Variants in HEMK1 observed in about 807,000 individuals in gnomAD.
HEMK1 encodes MTRF1L release factor glutamine methyltransferase.
HEMK1 carries 36 observed loss-of-function variants against 47.9 expected under a neutral mutation model. The observed-to-expected ratio is 0.75, with a 90% CI of 0.58 to 0.99. The LOEUF (loss-of-function observed/expected upper bound fraction) is 0.99, where lower values mean the gene tolerates loss of function less well. HEMK1 is among the 50% of genes least tolerant of loss of function. The pLI is 0.00. For synonymous variants in HEMK1, 153 were observed against 165.4 expected (o/e 0.93, Z 0.57); for missense variants, 383 against 434.5 (o/e 0.88, Z 1.05).
rs147987623 is a variant in HEMK1 at position 50,595,784 on chromosome 3, T to C, written c.*15367T>C. The C allele has an allele frequency of 1.2e-4, 19 of 152,248 alleles. No homozygotes were observed. In the East Asian group the frequency reaches 3.5e-3, roughly 28 times the overall value. The allele number at this position is 152,248 out of a possible 1,614,324, so 9.4% of individuals were successfully genotyped here. On this transcript the variant is annotated 3_prime_UTR_variant, in exon 11 of 11. Transcript: ENST00000232854. ...GGTTTCTGCAGGAAAAAACCCAAGA[T>C]AGAGAGACAACACTATATAGGCATC...
intron 8 of HEMK1, 26 bp downstream of exon 8, chr3:50,578,952 G>C: frequency 6.4e-7 from 1 of 1,570,378 alleles, no homozygotes; most frequent in South Asian, 1.1e-5. Flanking sequence ...GGCCAGGGAG[G>C]CCAGGCCTGA....
chr3:50,580,683 C>T lies in HEMK1; in HGVS notation c.*266C>T. ...GTATTGAGAGACTAACAAATGGTGA[C>T]CTAATGTTTTGTCCATGACTTGCAG... On this transcript the variant is annotated 3_prime_UTR_variant, in exon 11 of 11. Transcript: ENST00000232854. 1 of 546,276 alleles carries T rather than the reference C, an allele frequency of 1.8e-6. No homozygotes were observed. The highest frequency in any genetic ancestry group is 2.3e-5 in the South Asian group (1 of 44,228). The allele number at this position is 546,276 out of a possible 1,614,324, so 33.8% of individuals were successfully genotyped here. A position where few individuals can be genotyped will look rare whatever the true frequency, so the allele number is the denominator to read the frequency against.
In HEMK1 at chr3:50,580,186, C is replaced by A; in HGVS notation, c.937C>A (p.Leu313Met). 8.7e-6 allele frequency: 14 copies of A among 1,614,192 alleles called. No homozygotes were observed. The highest frequency in any genetic ancestry group is 1.2e-5 in the Non-Finnish European group (14 of 1,180,026). ...CAGCTGGCTTCAGAGCCGGCCTGACCTGTACCTTAATCTTGTGGCTGTGCG... is the reference window on the plus strand; with the variant it reads ...CAGCTGGCTTCAGAGCCGGCCTGACATGTACCTTAATCTTGTGGCTGTGCG... ...VSSWLQSRPDLYLNLVAVRRD... is the reference protein window; with the variant it reads ...VSSWLQSRPDMYLNLVAVRRD... The change falls in exon 10 of 11, where the codon CTG becomes ATG. Residue 313 changes from leucine to methionine, a missense_variant. Physicochemically the swap from Leu to Met is conservative, Grantham distance 15. Transcript: ENST00000232854.
At position 50,578,716 on chromosome 3, in the gene HEMK1, G is replaced by A; in HGVS notation, c.665-105G>A. On this transcript the variant is annotated intron_variant, in intron 7 of 10. Transcript: ENST00000232854. ...TCTGGCTTATCAGATCCAGAGGCAG[G>A]CCCAAGGTGTGGCATGGTGAGAGGG... 8.1e-6 allele frequency: 6 copies of A among 738,586 alleles called. No homozygotes were observed. The South Asian group carries it at 8.9e-5, about 11-fold the overall frequency. The allele number at this position is 738,586 out of a possible 1,614,324, so 45.8% of individuals were successfully genotyped here. A position where few individuals can be genotyped will look rare whatever the true frequency, so the allele number is the denominator to read the frequency against.
intron 4 of HEMK1, among the ~76,000 whole-genome samples, chr3:50,575,888 G>A (rs1701539293): frequency 6.6e-6 from 1 of 152,210 alleles, no homozygotes; most frequent in South Asian, 2.1e-4. Flanking sequence ...TGGACGGCAG[G>A]AGCCTTCCAC....
At chr3:50,574,976 C>G (rs1297917950) in intron 4 of HEMK1, among the ~76,000 whole-genome samples, 3 of 152,144 alleles carry the variant, frequency 2.0e-5, no homozygotes, top group Admixed American at 6.5e-5. Flanking sequence ...CTTTTTGGAA[C>G]CCAGCACTGG....
At position 50,589,423 on chromosome 3, in the gene HEMK1, T is replaced by TG. The variant is rs944496879; in HGVS notation, c.*9006_*9007insG. The stretch of plus-strand genomic sequence containing the variant: ...TCTGTGTGTGGTTTTTAAAATTGGG[T>TG]TTTTTTTTTTTCAATAATTAAAAAT... On this transcript the variant is annotated 3_prime_UTR_variant, in exon 11 of 11. Transcript: ENST00000232854. 5 of 10,222 alleles carry TG rather than the reference T, an allele frequency of 4.9e-4. No homozygotes were observed. Among genetic ancestry groups the TG allele is most frequent in the African/African-American group, 8.9e-4 (5 of 5,594 alleles). 0.6% of individuals were successfully genotyped at this position (10,222 alleles called of 1,614,324 possible). A position where few individuals can be genotyped will look rare whatever the true frequency, so the allele number is the denominator to read the frequency against.
Position 50,582,697 on chromosome 3 carries a change from A to G in HEMK1, c.*2280A>G, listed in dbSNP as rs2030967108. On this transcript the variant is annotated 3_prime_UTR_variant, in exon 11 of 11. Transcript: ENST00000232854. ...TCCATCTGATGCATGGGACCAACATAAGGCAGGCAGGGATACAAGGCAGTC... is the reference window on the plus strand; with the variant it reads ...TCCATCTGATGCATGGGACCAACATGAGGCAGGCAGGGATACAAGGCAGTC... 2 of 152,306 alleles carry G rather than the reference A, an allele frequency of 1.3e-5. No individual in the cohort carries two copies. The highest frequency in any genetic ancestry group is 2.9e-5 in the Non-Finnish European group (2 of 68,076). The allele number at this position is 152,306 out of a possible 1,614,324, so 9.4% of individuals were successfully genotyped here.
chr3:50,577,895 C>T lies in HEMK1; in HGVS notation c.664+20C>T. 1 of 1,611,984 alleles carries T rather than the reference C, an allele frequency of 6.2e-7. No homozygotes were observed. The highest frequency in any genetic ancestry group is 8.5e-7 in the Non-Finnish European group (1 of 1,178,096). On this transcript the variant is annotated intron_variant, in intron 7 of 10. Coordinates refer to ENST00000232854, the MANE Select transcript of HEMK1 (RefSeq NM_016173.5). The stretch of plus-strand genomic sequence containing the variant: ...CCTCAGGTACCCTCCCCTGCATGTT[C>T]CTTGAGAGAGGGAGACTAGATGCAG...
chr3:50,573,401 C>T (rs553403952), intron 4 of HEMK1, among the ~76,000 whole-genome samples: 1 of 152,312 alleles, frequency 6.6e-6, no homozygotes, highest in East Asian at 1.9e-4. Context: ...TGATCTCTGG[C>T]GAAGAGATCA....
intron 8 of HEMK1, 56 bp from the exon 9 acceptor site, chr3:50,579,788 A>AT (rs1156926388): frequency 1.5e-6 from 2 of 1,309,308 alleles, no homozygotes; most frequent in Non-Finnish European, 1.1e-6. Flanking sequence ...CATGCCCTCC[A>AT]TGCATTTCAG....
In HEMK1 at chr3:50,577,822, G is replaced by A. The variant is rs762190550; in HGVS notation, c.615-4G>A. On this transcript the variant is annotated splice_region_variant and splice_polypyrimidine_tract_variant and intron_variant, in intron 6 of 10. Transcript: ENST00000232854. ...TGCCTACCCCTTTCTCCCTGTCTGT[G>A]TAGGCTTCGGTTGCAGGACAGGATT... The A allele has an allele frequency of 1.2e-5, 20 of 1,613,980 alleles. No homozygotes were observed. The highest frequency in any genetic ancestry group is 1.7e-5 in the Admixed American group (1 of 60,010).
intron 7 of HEMK1, 97 bp from the exon 8 acceptor site, chr3:50,578,724 T>G (rs1264617320): frequency 2.6e-6 from 2 of 774,156 alleles, no homozygotes; most frequent in African/African-American, 1.7e-5. Flanking sequence ...AGGCCCAAGG[T>G]GTGGCATGGT....
rs551888020 is a variant in HEMK1, at chr3:50,589,746, A to C, written c.*9329A>C. 4 of 150,718 alleles carry C rather than the reference A, an allele frequency of 2.7e-5. No homozygotes were observed. Among genetic ancestry groups the C allele is most frequent in the African/African-American group, 9.8e-5 (4 of 40,920 alleles). 9.3% of individuals were successfully genotyped at this position (150,718 alleles called of 1,614,324 possible). A position where few individuals can be genotyped will look rare whatever the true frequency, so the allele number is the denominator to read the frequency against. On this transcript the variant is annotated 3_prime_UTR_variant, in exon 11 of 11. Coordinates refer to ENST00000232854, the MANE Select transcript of HEMK1 (RefSeq NM_016173.5). ...AATCCGTCTGTACTAAAAATACAAA[A>C]ATTAGCCGGGTGTGGTGGCTCACGC... is the stretch of plus-strand genomic sequence containing the variant.
At chr3:50,570,476 A>G (rs939470877) in intron 1 of HEMK1, 4 of 152,234 alleles carry the variant, frequency 2.6e-5, no homozygotes, top group South Asian at 2.1e-4. Flanking sequence ...TGCCTCTTGT[A>G]ACATCAGTTA....
rs2031679601 is a variant in HEMK1 at position 50,590,736 on chromosome 3, G to A, written c.*10319G>A. 1 of 152,102 alleles carries A rather than the reference G, an allele frequency of 6.6e-6. No individual in the cohort carries two copies. Among genetic ancestry groups the A allele is most frequent in the Non-Finnish European group, 1.5e-5 (1 of 68,050 alleles). 9.4% of individuals were successfully genotyped at this position (152,102 alleles called of 1,614,324 possible). ...GCATCTGTCACAGCAAATCAATCTGGGCCACATGCTCCTGAAAGGTCCTTG... is the reference window on the plus strand; with the variant it reads ...GCATCTGTCACAGCAAATCAATCTGAGCCACATGCTCCTGAAAGGTCCTTG... On this transcript the variant is annotated 3_prime_UTR_variant, in exon 11 of 11. Transcript: ENST00000232854.
At position 50,575,378 on chromosome 3, in the gene HEMK1, G is replaced by C. The variant is rs557521128; in HGVS notation, c.415-1674G>C. Among the ~76,000 whole-genome samples the C allele has an allele frequency of 9.2e-5, 14 of 151,912 alleles. No homozygotes were observed. The East Asian group carries it at 2.1e-3, about 23-fold the overall frequency. ...GCGGAGGTTGCGGTGAGCCAAGATC[G>C]CGCCATTGTACTCCAGCCTGGGCAA... On this transcript the variant is annotated intron_variant, in intron 4 of 10. Transcript: ENST00000232854.
rs2031781412 is a variant in HEMK1 at position 50,592,616 on chromosome 3, C to G, written c.*12199C>G. The stretch of plus-strand genomic sequence containing the variant: ...AAAAATTGACCCCTAGAGCCTGAGA[C>G]TCTGGATGGAGGATCTTCGTAGCTG... On this transcript the variant is annotated 3_prime_UTR_variant, in exon 11 of 11. Transcript: ENST00000232854. 6.6e-6 allele frequency: 1 copy of G among 152,260 alleles called. No individual in the cohort carries two copies. The highest frequency in any genetic ancestry group is 2.1e-4 in the South Asian group (1 of 4,836). The allele number at this position is 152,260 out of a possible 1,614,324, so 9.4% of individuals were successfully genotyped here. A position where few individuals can be genotyped will look rare whatever the true frequency, so the allele number is the denominator to read the frequency against.
At chr3:50,579,622 A>G (rs2030446445) in intron 8 of HEMK1, among the ~76,000 whole-genome samples, 1 of 152,202 alleles carries the variant, frequency 6.6e-6, no homozygotes, top group Non-Finnish European at 1.5e-5. Context: ...AGTGGGATTC[A>G]GCAAGCATGC....
Sources: allele counts gnomAD v4.1 joint callset (sites outside exome capture counted in the v4.1 genomes callset), GRCh38; gene constraint gnomAD v4.1.1; transcripts MANE v1.5; gene names NCBI Gene and HGNC (gene_info 2026-07-23, HGNC 2026-07-21).